NRP1: variants seen among roughly 807,000 people sequenced by gnomAD.
NRP1 encodes neuropilin-1.
Under a neutral mutation model 106.7 loss-of-function variants are expected in NRP1, and 35 were observed. The ratio of observed to expected loss-of-function variants is 0.33; its 90% CI spans 0.25 to 0.43. The LOEUF is 0.43. Among genes scored for constraint, NRP1 ranks in the 20% least tolerant of loss-of-function variants. The pLI is 1.00. For synonymous variants in NRP1, 437 were observed against 417.9 expected (o/e 1.05, Z -0.56); for missense variants, 1,024 against 1,170.4 (o/e 0.87, Z 1.83).
At position 33,191,791 on chromosome 10, in the gene NRP1, A is replaced by G. The variant is rs191467533; in HGVS notation, c.2062+490T>C. Among the ~76,000 whole-genome samples, 943 of 152,100 alleles carry G rather than the reference A, an allele frequency of 6.2e-3. 4 individuals carry two copies. Among genetic ancestry groups the G allele is most frequent in the Admixed American group, 0.011 (166 of 15,256 alleles). ...CAGGAGTTCGAGACCAGCCCGGCCA[A>G]TGTGGTGAAATCCCGTCTCTACTAA... On this transcript the variant is annotated intron_variant, in intron 13 of 16. Coordinates refer to ENST00000374867, the MANE Select transcript of NRP1 (RefSeq NM_003873.7).
At chr10:33,213,123 G>C in intron 9 of NRP1, 1 of 929,228 alleles carries the variant, frequency 1.1e-6, no homozygotes, top group Admixed American at 2.7e-5. Context: ...CCCGTCTCCT[G>C]TCTGCATGTT....
At chr10:33,311,374 T>A (rs1846598147) in intron 2 of NRP1, among the ~76,000 whole-genome samples, 1 of 152,192 alleles carries the variant, frequency 6.6e-6, no homozygotes, top group Admixed American at 6.5e-5. Flanking sequence ...CCTTGGGGGC[T>A]GCAGATGAAG....
At position 33,195,305 on chromosome 10, in the gene NRP1, C is replaced by T. The variant is rs886483092; in HGVS notation, c.1924+2345G>A. On this transcript the variant is annotated intron_variant, in intron 12 of 16. Transcript: ENST00000374867. ...AACTGCTGCAGGAATGCTGGAGGAG[C>T]CTCAGAGGGTTAGAGCTCTCGCCAG... 3 of 341,480 alleles carry T rather than the reference C, an allele frequency of 8.8e-6. No homozygotes were observed. The Admixed American group carries it at 1.2e-4, about 13-fold the overall frequency. 21.2% of individuals were successfully genotyped at this position (341,480 alleles called of 1,614,324 possible). A position where few individuals can be genotyped will look rare whatever the true frequency, so the allele number is the denominator to read the frequency against.
chr10:33,183,490 G>A (rs1295580685), intron 15 of NRP1, among the ~76,000 whole-genome samples: 2 of 152,218 alleles, frequency 1.3e-5, no homozygotes, highest in Non-Finnish European at 2.9e-5. Flanking sequence ...AATTTAGTGT[G>A]CGTTAGTTTG....
intron 8 of NRP1, among the ~76,000 whole-genome samples, chr10:33,216,208 G>A (rs1244812264): frequency 4.0e-5 from 6 of 150,498 alleles, no homozygotes; most frequent in Non-Finnish European, 7.4e-5. Flanking sequence ...GGCGATCTTG[G>A]CTCACTGCAA....
chr10:33,310,255 T>TC (rs1846496675), intron 2 of NRP1, among the ~76,000 whole-genome samples: 1 of 143,960 alleles, frequency 6.9e-6, no homozygotes. Context: ...GGCCTTTTTT[T>TC]TTTTTTTTTT....
chr10:33,294,039 A>G (rs572719402), intron 2 of NRP1, among the ~76,000 whole-genome samples: 58 of 152,372 alleles, frequency 3.8e-4, no homozygotes, highest in African/African-American at 1.3e-3. Context: ...GTGTGTGAGC[A>G]AATGGATCTA....
rs1372833595 is a variant in NRP1, at chr10:33,179,314, C to G, written c.*762G>C. The G allele has an allele frequency of 6.6e-6, 1 of 152,582 alleles. No homozygotes were observed. Among genetic ancestry groups the G allele is most frequent in the Non-Finnish European group, 1.5e-5 (1 of 68,034 alleles). 9.5% of individuals were successfully genotyped at this position (152,582 alleles called of 1,614,324 possible). On this transcript the variant is annotated 3_prime_UTR_variant, in exon 17 of 17. Transcript: ENST00000374867. ...GTTAATGTAACACAATGAACCAGTACAAACAAAAAGGCACTTGAGAGGACA... is the reference window on the plus strand; with the variant it reads ...GTTAATGTAACACAATGAACCAGTAGAAACAAAAAGGCACTTGAGAGGACA...
intron 7 of NRP1, among the ~76,000 whole-genome samples, chr10:33,224,021 A>G (rs1044383717): frequency 6.6e-6 from 1 of 152,144 alleles, no homozygotes; most frequent in Non-Finnish European, 1.5e-5. Context: ...TTGGTGGTCG[A>G]AAGCTGCACT....
chr10:33,183,592 A>G (rs1835823447), intron 15 of NRP1, among the ~76,000 whole-genome samples: 1 of 152,216 alleles, frequency 6.6e-6, no homozygotes, highest in Non-Finnish European at 1.5e-5. Context: ...CTATTGAAGA[A>G]GTAGAGTTCC....
At position 33,213,573 on chromosome 10, in the gene NRP1, G is replaced by A. The variant is rs1215544814; in HGVS notation, c.1427C>T (p.Ala476Val). 3 of 1,613,938 alleles carry A rather than the reference G, an allele frequency of 1.9e-6. No individual in the cohort carries two copies. Among genetic ancestry groups the A allele is most frequent in the South Asian group, 1.1e-5 (1 of 91,048 alleles). ...TSRSGWALPP[A>V]PHSYINEWLQ... is the part of the protein sequence containing the mutation. ...CCACTCATTGATGTAGGAATGAGGT[G>A]CGGGTGGAAGTGCCCAGCCAGAGCG... The change falls in exon 9 of 17, where the codon GCA becomes GTA. Residue 476 changes from alanine to valine, a missense_variant. Coordinates refer to ENST00000374867, the MANE Select transcript of NRP1 (RefSeq NM_003873.7).
At chr10:33,330,479 G>A (rs1372826388) in intron 2 of NRP1, among the ~76,000 whole-genome samples, 1 of 152,024 alleles carries the variant, frequency 6.6e-6, no homozygotes. Flanking sequence ...GTGCTAACAG[G>A]AAGGAGTATA....
intron 2 of NRP1, among the ~76,000 whole-genome samples, chr10:33,272,689 T>C (rs1325490381): frequency 6.6e-6 from 1 of 152,226 alleles, no homozygotes; most frequent in East Asian, 1.9e-4. Flanking sequence ...TCTCTACTGC[T>C]TCATTGACAA....
chr10:33,318,589 C>T (rs1847205842), intron 2 of NRP1, among the ~76,000 whole-genome samples: 1 of 151,716 alleles, frequency 6.6e-6, no homozygotes. Context: ...TGGGGAGAAA[C>T]GGGAAGAAGA....
chr10:33,195,892 C>T (rs1047365748), intron 12 of NRP1, among the ~76,000 whole-genome samples: 1 of 152,096 alleles, frequency 6.6e-6, no homozygotes, highest in South Asian at 2.1e-4. Context: ...AGTAGACCCG[C>T]GTGGTTTGGA....
chr10:33,182,726 C>A lies in NRP1; in HGVS notation c.2454G>T (p.Lys818Asn), dbSNP rs764058650. ...TTTCATCAATTTTAATTTCTGGGTT[C>A]TTTTTATCCAGGTCTGCTGGTTCTG... is the stretch of plus-strand genomic sequence containing the variant. ...DCAKPADLDK[K>N]NPEIKIDETG... The change falls in exon 16 of 17, where the codon AAG becomes AAT. Residue 818 changes from lysine (K) to asparagine (N), a missense_variant. Transcript: ENST00000374867. 1.2e-6 allele frequency: 2 copies of A among 1,612,650 alleles called. No individual in the cohort carries two copies. The highest frequency in any genetic ancestry group is 1.3e-5 in the African/African-American group (1 of 74,830).
At chr10:33,221,235 T>C (rs961636020) in intron 8 of NRP1, among the ~76,000 whole-genome samples, 3 of 152,030 alleles carry the variant, frequency 2.0e-5, no homozygotes, top group African/African-American at 7.2e-5. Flanking sequence ...AAGAAATAAA[T>C]AAAACTGCTG....
chr10:33,215,673 G>A (rs1259802130), intron 8 of NRP1, among the ~76,000 whole-genome samples: 1 of 152,140 alleles, frequency 6.6e-6, no homozygotes, highest in African/African-American at 2.4e-5. Context: ...TAAGTGAGAG[G>A]CAAACATCTA....
At chr10:33,250,440 A>G (rs1383568315) in intron 6 of NRP1, among the ~76,000 whole-genome samples, 1 of 152,210 alleles carries the variant, frequency 6.6e-6, no homozygotes, top group Admixed American at 6.5e-5. Context: ...AGCTTTTGTG[A>G]CTTTCACCTT....
Sources: gnomAD v4.1 joint callset for allele counts (sites outside exome capture counted in the v4.1 genomes callset) on GRCh38, gnomAD v4.1.1 for gene constraint, MANE v1.5 for transcripts, NCBI Gene and HGNC (gene_info 2026-07-23, HGNC 2026-07-21) for gene names.